LRP6: variants seen among roughly 807,000 people sequenced by gnomAD.
LRP6 encodes low-density lipoprotein receptor-related protein 6.
A neutral mutation model predicts 184.1 loss-of-function variants in LRP6; 43 were observed. That is an observed-to-expected ratio of 0.23 (90% CI 0.18 to 0.30). The LOEUF (loss-of-function observed/expected upper bound fraction) is 0.30. Ranked by LOEUF, LRP6 falls within the 10% of genes least tolerant of loss-of-function variation. LRP6 has a pLI of 1.00. For missense variants in LRP6, 1,571 were observed against 2,005.3 expected, an observed-to-expected ratio of 0.78 and a Z score of 4.14; for synonymous variants, 719 against 684.9, an observed-to-expected ratio of 1.05 and a Z score of -0.78.
In LRP6 at chr12:12,266,785, G is replaced by C; in HGVS notation, c.-50C>G. On this transcript the variant is annotated 5_prime_UTR_variant, in exon 1 of 23. Coordinates refer to ENST00000261349, the MANE Select transcript of LRP6 (RefSeq NM_002336.3). The stretch of plus-strand genomic sequence containing the variant: ...TCACCGGCGAGGGGTGGCCAGAAGT[G>C]GGGGAGGCGAGGAGCCGGGGCGGCC... 3 of 1,530,626 alleles carry C rather than the reference G, an allele frequency of 2.0e-6. No homozygotes were observed. Among genetic ancestry groups the C allele is most frequent in the Non-Finnish European group, 2.7e-6 (3 of 1,116,332 alleles). 94.8% of individuals were successfully genotyped at this position (1,530,626 alleles called of 1,614,324 possible).
intron 3 of LRP6, among the ~76,000 whole-genome samples, chr12:12,198,530 C>CTTTTTTTTTTTTTTTTTTTTTTTTT (rs56150307): frequency 1.3e-5 from 1 of 76,992 alleles, no homozygotes. Flanking sequence ...GAATTTTTCT[C>CTTTTTTTTTTTTTTTTTTTTTTTTT]TTTTTTTTTT....
chr12:12,245,477 T>G (rs1865161101), intron 1 of LRP6, among the ~76,000 whole-genome samples: 1 of 152,178 alleles, frequency 6.6e-6, no homozygotes, highest in African/African-American at 2.4e-5. Flanking sequence ...AGCAAACTTT[T>G]GCAGGTGATG....
At chr12:12,173,359 G>T (rs562764559) in intron 7 of LRP6, among the ~76,000 whole-genome samples, 31 of 152,106 alleles carry the variant, frequency 2.0e-4, no homozygotes, top group South Asian at 8.3e-4. Context: ...TTTGTTTTTG[G>T]GGGGACAGGG....
chr12:12,188,702 A>G (rs570269513), intron 3 of LRP6, among the ~76,000 whole-genome samples: 1 of 152,220 alleles, frequency 6.6e-6, no homozygotes, highest in Non-Finnish European at 1.5e-5. Context: ...TAAAAAGCTC[A>G]CTATTCCTTC....
intron 1 of LRP6, among the ~76,000 whole-genome samples, chr12:12,253,546 G>A (rs932125526): frequency 1.3e-5 from 2 of 151,522 alleles, no homozygotes; most frequent in Admixed American, 1.3e-4. Flanking sequence ...TTTACATTAG[G>A]TGTATCTCCT....
chr12:12,193,982 A>T (rs1219624622), intron 3 of LRP6, among the ~76,000 whole-genome samples: 1 of 152,180 alleles, frequency 6.6e-6, no homozygotes, highest in East Asian at 1.9e-4. Flanking sequence ...ACATTTCAAA[A>T]GAAGTATAAA....
chr12:12,259,327 C>A (rs556910351), intron 1 of LRP6, among the ~76,000 whole-genome samples: 57 of 150,260 alleles, frequency 3.8e-4, no homozygotes, highest in African/African-American at 1.3e-3. Flanking sequence ...TCATCAATAA[C>A]TTTAGGCCTG....
In LRP6 at chr12:12,138,490, C is replaced by T; in HGVS notation, c.3442G>A (p.Val1148Met). The T allele has an allele frequency of 1.2e-6, 2 of 1,614,138 alleles. No homozygotes were observed. The highest frequency in any genetic ancestry group is 1.7e-6 in the Non-Finnish European group (2 of 1,180,008). ...VLEDSNILQP[V>M]GLTVFENWLY... ...CAGTTTTCAAACACAGTAAGTCCCA[C>T]AGGCTGCAAGATATTGGAGTCTTCT... Residue 1148 changes from valine (V) to methionine (M), a missense_variant, in exon 16 of 23, where the codon GTG becomes ATG. This residue lies in a region of LRP6 where 763 missense variants were observed against 859.5 expected (regional missense o/e 0.89). Transcript: ENST00000261349.
intron 7 of LRP6, among the ~76,000 whole-genome samples, chr12:12,177,866 T>C (rs1381929486): frequency 6.6e-6 from 1 of 152,056 alleles, no homozygotes; most frequent in Non-Finnish European, 1.5e-5. Context: ...ACAGAGCCTT[T>C]GCAGATTAAA....
Position 12,116,712 on chromosome 12 carries a change from C to A in LRP6, c.*4414G>T, listed in dbSNP as rs1242445121. 1.3e-5 allele frequency: 2 copies of A among 152,108 alleles called. No homozygotes were observed. The highest frequency in any genetic ancestry group is 2.9e-5 in the Non-Finnish European group (2 of 68,022). 9.4% of individuals were successfully genotyped at this position (152,108 alleles called of 1,614,324 possible). On this transcript the variant is annotated 3_prime_UTR_variant, in exon 23 of 23. Transcript: ENST00000261349. ...TACTCTGCTTCTAAATACAAGACAT[C>A]ATTTAGTTTGTAATTCTATCTGTAA...
intron 9 of LRP6, 145 bp from the exon 10 acceptor site, chr12:12,162,564 G>T: frequency 1.4e-6 from 1 of 694,296 alleles, no homozygotes. Flanking sequence ...CACATAACTT[G>T]CAAGCACAGA....
At chr12:12,136,727 C>A (rs1414107944) in intron 16 of LRP6, among the ~76,000 whole-genome samples, 1 of 152,142 alleles carries the variant, frequency 6.6e-6, no homozygotes, top group Non-Finnish European at 1.5e-5. Context: ...AGCATACTGT[C>A]CAAAACAGAC....
intron 5 of LRP6, 147 bp from the exon 6 acceptor site, chr12:12,181,586 G>A: frequency 1.5e-6 from 1 of 660,134 alleles, no homozygotes. Context: ...GAGTGGAAAT[G>A]GAAAGTAATA....
intron 2 of LRP6, among the ~76,000 whole-genome samples, chr12:12,236,011 G>C (rs1046749433): frequency 6.6e-6 from 1 of 152,122 alleles, no homozygotes; most frequent in African/African-American, 2.4e-5. Context: ...GGATCACCAG[G>C]TCAGGAGATC....
At chr12:12,208,324 C>T (rs1322985770) in intron 2 of LRP6, among the ~76,000 whole-genome samples, 1 of 152,122 alleles carries the variant, frequency 6.6e-6, no homozygotes, top group East Asian at 1.9e-4. Flanking sequence ...GAGTAATGAA[C>T]GTTTGTCTTA....
At chr12:12,257,779 C>CAAAAA (rs1163180718) in intron 1 of LRP6, among the ~76,000 whole-genome samples, 8,981 of 35,288 alleles carry the variant, frequency 0.25, 1,828 homozygotes, top group East Asian at 0.36. Context: ...CCTGTCTCTA[C>CAAAAA]AAAAAAAAAA....
intron 7 of LRP6, among the ~76,000 whole-genome samples, chr12:12,173,720 A>T (rs10772537): frequency 6.6e-6 from 1 of 151,654 alleles, no homozygotes; most frequent in African/African-American, 2.4e-5. Flanking sequence ...CAAGGGATCC[A>T]GGGATCCTCC....
chr12:12,205,871 C>A (rs149544217), intron 2 of LRP6, among the ~76,000 whole-genome samples: 84 of 152,282 alleles, frequency 5.5e-4, no homozygotes, highest in African/African-American at 1.9e-3. Context: ...GCGGTATGGA[C>A]AAGATTAATA....
chr12:12,149,301 T>C, intron 13 of LRP6, 148 bp from the exon 14 acceptor site: 1 of 705,904 alleles, frequency 1.4e-6, no homozygotes, highest in Non-Finnish European at 2.5e-6. Flanking sequence ...TACCTTTTTT[T>C]ATGGGTAATG....
Sources: allele counts gnomAD v4.1 joint callset (sites outside exome capture counted in the v4.1 genomes callset), GRCh38; gene constraint gnomAD v4.1.1; regional missense constraint gnomAD v4.1.1; transcripts MANE v1.5; gene names NCBI Gene and HGNC (gene_info 2026-07-23, HGNC 2026-07-21).